Variants in ARID2 observed in about 807,000 individuals in gnomAD.
ARID2 encodes the protein AT-rich interaction domain 2, also known as AT-rich interactive domain-containing protein 2.
ARID2 carries 32 observed loss-of-function variants against 184.6 expected under a neutral mutation model. The ratio of observed to expected loss-of-function variants is 0.17; its 90% CI spans 0.13 to 0.23. The LOEUF (loss-of-function observed/expected upper bound fraction) is 0.23. ARID2 is among the 10% of genes least tolerant of loss of function. The probability of loss-of-function intolerance (pLI) is 1.00; values close to 1 mark genes in which losing one functional copy is unlikely to be tolerated. For missense variants in ARID2, 1,696 were observed against 2,197.6 expected (o/e 0.77, Z 4.56); for synonymous variants, 836 against 772.6 (o/e 1.08, Z -1.36).
At chr12:45,799,147 T>C (rs762667085) in intron 3 of ARID2, among the ~76,000 whole-genome samples, 12 of 152,128 alleles carry the variant, frequency 7.9e-5, no homozygotes, top group Admixed American at 2.0e-4. Context: ...ATGAGACTGT[T>C]AGCCTCATGG....
chr12:45,763,406 G>T (rs1941716269), intron 3 of ARID2, among the ~76,000 whole-genome samples: 1 of 151,898 alleles, frequency 6.6e-6, no homozygotes, highest in South Asian at 2.1e-4. Flanking sequence ...GGAGGCGGAG[G>T]TTGCAGTGAG....
chr12:45,796,339 T>C (rs375363231), intron 3 of ARID2, among the ~76,000 whole-genome samples: 1 of 152,146 alleles, frequency 6.6e-6, no homozygotes, highest in African/African-American at 2.4e-5. Context: ...CATGGACTTT[T>C]CTTGCATAAA....
chr12:45,899,465 G>A (rs1302451349), intron 20 of ARID2, among the ~76,000 whole-genome samples: 3 of 149,364 alleles, frequency 2.0e-5, no homozygotes, highest in Non-Finnish European at 4.4e-5. Context: ...AATTAGCTGG[G>A]CGTGGTGGCG....
intron 16 of ARID2, among the ~76,000 whole-genome samples, chr12:45,880,235 A>G (rs1322292640): frequency 6.6e-6 from 1 of 152,220 alleles, no homozygotes; most frequent in East Asian, 1.9e-4. Flanking sequence ...TCTACATTAT[A>G]TTTGTATTTA....
chr12:45,855,313 T>G (rs1166841055), intron 15 of ARID2, among the ~76,000 whole-genome samples: 2 of 152,252 alleles, frequency 1.3e-5, no homozygotes, highest in Non-Finnish European at 2.9e-5. Context: ...TATTAAACTT[T>G]CTTACATTCT....
intron 3 of ARID2, among the ~76,000 whole-genome samples, chr12:45,761,855 A>G (rs1218077481): frequency 2.0e-5 from 3 of 152,120 alleles, no homozygotes; most frequent in Non-Finnish European, 4.4e-5. Flanking sequence ...TATTTACACT[A>G]ATACTACTTT....
intron 3 of ARID2, among the ~76,000 whole-genome samples, chr12:45,781,192 T>G (rs868459697): frequency 2.7e-5 from 4 of 150,108 alleles, no homozygotes; most frequent in African/African-American, 9.8e-5. Flanking sequence ...CACAATTTAG[T>G]TCTAGCTTAG....
chr12:45,856,187 A>G (rs1411523403), intron 15 of ARID2, among the ~76,000 whole-genome samples: 3 of 138,762 alleles, frequency 2.2e-5, no homozygotes, highest in African/African-American at 8.1e-5. Context: ...CGATTCTTCC[A>G]CCTCAGCCTC....
intron 3 of ARID2, among the ~76,000 whole-genome samples, chr12:45,747,628 T>C (rs551722435): frequency 2.0e-5 from 3 of 152,314 alleles, no homozygotes; most frequent in South Asian, 2.1e-4. Context: ...TCTGAAAGAA[T>C]TGAAAATTTC....
Position 45,868,775 on chromosome 12 carries a change from G to T in ARID2, c.4922+7826G>T, listed in dbSNP as rs1943870271. On this transcript the variant is annotated intron_variant, in intron 16 of 20. Coordinates refer to ENST00000334344, the MANE Select transcript of ARID2 (RefSeq NM_152641.4). ...GTCATATACTAATCCTATAAATGCT[G>T]TGCCTATTTCTGGATCACTTGTTAT... Among the ~76,000 whole-genome samples the T allele has an allele frequency of 3.9e-5, 6 of 152,232 alleles. No homozygotes were observed. The South Asian group carries it at 1.0e-3, about 26-fold the overall frequency.
chr12:45,763,226 T>G (rs1442085745), intron 3 of ARID2, among the ~76,000 whole-genome samples: 1 of 152,174 alleles, frequency 6.6e-6, no homozygotes, highest in Non-Finnish European at 1.5e-5. Flanking sequence ...ATCCCAGCAC[T>G]TTGGGAGGCC....
At position 45,905,940 on chromosome 12, in the gene ARID2, C is replaced by CTTTTTTTTTTTCTTTTTTTTT. The variant is rs1156971020; in HGVS notation, c.*865_*885dup. 6.0e-6 allele frequency: 1 copy of CTTTTTTTTTTTCTTTTTTTTT among 166,988 alleles called. No individual in the cohort carries two copies. The highest frequency in any genetic ancestry group is 2.8e-5 in the African/African-American group (1 of 35,848). The allele number at this position is 166,988 out of a possible 1,614,324, so 10.3% of individuals were successfully genotyped here. ...GAACTGTGATTTTTTTTTCTTTTTTCTTTTTTTTTTTCTTTTTTTTTTTGT... is the reference window on the plus strand; with the variant it reads ...GAACTGTGATTTTTTTTTCTTTTTTCTTTTTTTTTTTCTTTTTTTTTTTTTTTTTTTTCTTTTTTTTTTTGT... On this transcript the variant is annotated 3_prime_UTR_variant, in exon 21 of 21. Transcript: ENST00000334344.
At chr12:45,802,103 G>C (rs1035396152) in intron 3 of ARID2, among the ~76,000 whole-genome samples, 3 of 126,090 alleles carry the variant, frequency 2.4e-5, no homozygotes, top group African/African-American at 9.4e-5. Context: ...GTCTCTCTCT[G>C]TTGCCAAGGC....
chr12:45,804,493 T>C (rs946501798), intron 3 of ARID2, among the ~76,000 whole-genome samples: 2 of 151,790 alleles, frequency 1.3e-5, no homozygotes, highest in African/African-American at 4.8e-5. Context: ...TGTGTGCGTG[T>C]GTGTGTGTGT....
chr12:45,798,258 T>A (rs1368538176), intron 3 of ARID2, among the ~76,000 whole-genome samples: 1 of 152,200 alleles, frequency 6.6e-6, no homozygotes, highest in African/African-American at 2.4e-5. Context: ...ATATTCTACA[T>A]CCTTATCCTA....
intron 16 of ARID2, among the ~76,000 whole-genome samples, chr12:45,891,574 T>C (rs1427510804): frequency 6.6e-6 from 1 of 152,260 alleles, no homozygotes; most frequent in Non-Finnish European, 1.5e-5. Context: ...ATGGTGTTTT[T>C]AATGATATTT....
chr12:45,793,159 G>C lies in ARID2; in HGVS notation c.285-18259G>C, dbSNP rs78554418. Among the ~76,000 whole-genome samples the C allele has an allele frequency of 4.1e-4, 62 of 152,066 alleles. 1 individual carries two copies. The East Asian group carries it at 0.012, about 29-fold the overall frequency. On this transcript the variant is annotated intron_variant, in intron 3 of 20. Coordinates refer to ENST00000334344, the MANE Select transcript of ARID2 (RefSeq NM_152641.4). Reference sequence around the variant, plus strand: ...TACTAAAAATACAAAAATTAGCCGGGTATGCTGTTGGGCACCTATAATCCC... The same window carrying C: ...TACTAAAAATACAAAAATTAGCCGGCTATGCTGTTGGGCACCTATAATCCC...
intron 3 of ARID2, among the ~76,000 whole-genome samples, chr12:45,803,148 A>T (rs1162941394): frequency 6.6e-6 from 1 of 152,190 alleles, no homozygotes; most frequent in Non-Finnish European, 1.5e-5. Flanking sequence ...ATGACTCACT[A>T]AAAAGTAGTT....
intron 20 of ARID2, 28 bp from the exon 21 acceptor site, chr12:45,904,906 T>C (rs748788178): frequency 6.2e-7 from 1 of 1,609,092 alleles, no homozygotes; most frequent in Non-Finnish European, 8.5e-7. Context: ...CCTTGGAGAC[T>C]GACAATCTTC....
Sources: allele counts gnomAD v4.1 joint callset (sites outside exome capture counted in the v4.1 genomes callset), GRCh38; gene constraint gnomAD v4.1.1; transcripts MANE v1.5; gene names NCBI Gene and HGNC (gene_info 2026-07-23, HGNC 2026-07-21).